The following NHSL1 variants were observed in gnomAD, a reference collection of about 807,000 sequenced individuals.
The protein encoded by NHSL1 is NHS-like protein 1.
In NHSL1, 48 loss-of-function variants were observed where a neutral mutation model predicts 95.0. The ratio of observed to expected loss-of-function variants is 0.51; its 90% CI spans 0.40 to 0.64. The LOEUF (loss-of-function observed/expected upper bound fraction) is 0.64. NHSL1 is among the 30% of genes least tolerant of loss of function. The pLI is 0.00. For missense variants in NHSL1, 1,971 were observed against 2,077.7 expected, an observed-to-expected ratio of 0.95 and a Z score of 1.00; for synonymous variants, 783 against 833.9, an observed-to-expected ratio of 0.94 and a Z score of 1.05.
At chr6:138,505,021 C>A (rs1780886765) in intron 1 of NHSL1, among the ~76,000 whole-genome samples, 1 of 152,118 alleles carries the variant, frequency 6.6e-6, no homozygotes, top group Non-Finnish European at 1.5e-5. Flanking sequence ...AGTACACCCT[C>A]ATTATTTTTA....
chr6:138,567,533 T>C (rs1583420602), intron 1 of NHSL1, among the ~76,000 whole-genome samples: 1 of 152,210 alleles, frequency 6.6e-6, no homozygotes, highest in East Asian at 1.9e-4. Flanking sequence ...CTAGCTGCTT[T>C]TGGTTTTTCA....
intron 3 of NHSL1, among the ~76,000 whole-genome samples, chr6:138,466,053 A>AGGGGGG (rs1778357937): frequency 3.6e-5 from 4 of 111,784 alleles, no homozygotes; most frequent in Admixed American, 1.2e-4. Flanking sequence ...GGGGGGGGGC[A>AGGGGGG]GGGGGGAACA....
intron 1 of NHSL1, among the ~76,000 whole-genome samples, chr6:138,619,695 T>A (rs1286787664): frequency 6.6e-6 from 1 of 152,044 alleles, no homozygotes; most frequent in Non-Finnish European, 1.5e-5. Context: ...GACAAGGCAG[T>A]AGGACTGCTT....
At chr6:138,428,041 C>T (rs553195270) in intron 7 of NHSL1, among the ~76,000 whole-genome samples, 11 of 152,252 alleles carry the variant, frequency 7.2e-5, no homozygotes, top group African/African-American at 2.2e-4. Flanking sequence ...ACACATTTTT[C>T]GATGCCTTAA....
Position 138,424,855 on chromosome 6 carries a change from C to A in NHSL1, c.4086-39G>T. ...ACATTAAGAAAAAGGTTAATTCCCA[C>A]GGGACCACAGGCTGTCAGCCACAAC... On this transcript the variant is annotated intron_variant, in intron 7 of 7. Transcript: ENST00000343505. This position sits in a 1 kb window ranked among gnomAD's most constrained non-coding sequence, Gnocchi z 5.9. The A allele has an allele frequency of 1.3e-6, 2 of 1,509,654 alleles. No homozygotes were observed. Among genetic ancestry groups the A allele is most frequent in the Non-Finnish European group, 8.9e-7 (1 of 1,119,290 alleles). 93.5% of individuals were successfully genotyped at this position (1,509,654 alleles called of 1,614,324 possible).
intron 1 of NHSL1, among the ~76,000 whole-genome samples, chr6:138,595,513 G>C (rs1784292124): frequency 6.6e-6 from 1 of 152,206 alleles, no homozygotes; most frequent in Admixed American, 6.5e-5. Flanking sequence ...GGAGTTCTAG[G>C]CTGCAGTAAG....
intron 1 of NHSL1, among the ~76,000 whole-genome samples, chr6:138,673,312 A>T (rs1785405167): frequency 6.6e-6 from 1 of 151,406 alleles, no homozygotes; most frequent in African/African-American, 2.4e-5. Flanking sequence ...GGCAGTATTT[A>T]ACCAGAAAAA....
At chr6:138,651,290 T>G (rs1281063870) in intron 1 of NHSL1, among the ~76,000 whole-genome samples, 1 of 152,254 alleles carries the variant, frequency 6.6e-6, no homozygotes, top group East Asian at 1.9e-4. Flanking sequence ...AAGAATTCTA[T>G]TCAAAGAAAC....
intron 1 of NHSL1, among the ~76,000 whole-genome samples, chr6:138,673,039 A>ATAGATAGATAGG (rs1554259678): frequency 9.7e-5 from 1 of 10,260 alleles, no homozygotes; most frequent in Non-Finnish European, 5.6e-4. Flanking sequence ...AGGTAGATAG[A>ATAGATAGATAGG]TAGATAGATA....
At chr6:138,650,803 T>A in intron 1 of NHSL1, 1 of 542,804 alleles carries the variant, frequency 1.8e-6, no homozygotes, top group Non-Finnish European at 3.8e-6. Context: ...ACCTGCTAGA[T>A]CTCATCTACA....
At chr6:138,630,129 C>T (rs1026920765) in intron 1 of NHSL1, among the ~76,000 whole-genome samples, 1 of 151,886 alleles carries the variant, frequency 6.6e-6, no homozygotes, top group African/African-American at 2.4e-5. Context: ...GTGGGAGGAT[C>T]GCTTGAGCTT....
At position 138,430,453 on chromosome 6, in the gene NHSL1, C is replaced by T. The variant is rs1393047277; in HGVS notation, c.3892G>A (p.Glu1298Lys). The T allele has an allele frequency of 5.2e-6, 8 of 1,545,946 alleles. No homozygotes were observed. Among genetic ancestry groups the T allele is most frequent in the Non-Finnish European group, 7.0e-6 (8 of 1,143,962 alleles). Residue 1298 changes from glutamate to lysine, a missense_variant, in exon 6 of 8, where the codon GAG (glutamate) becomes AAG (lysine). By Grantham distance (56) the Glu-to-Lys change is moderately conservative. Around this residue, in one of 3 missense-constraint regions of NHSL1, gnomAD observed 1,602 missense variants for 1,654.5 expected, o/e 0.97. Coordinates refer to ENST00000343505, the MANE Select transcript of NHSL1 (RefSeq NM_001144060.2). The surrounding 1 kb of genome is among the most constrained non-coding windows in gnomAD (Gnocchi z 4.7). ...SPAPKQEEPA[E>K]NSADTGGDGE... ...TCGCCCCCAGTATCCGCACTGTTCT[C>T]GGCTGGCTCCTCCTGCTTGGGGGCT...
At position 138,496,400 on chromosome 6, in the gene NHSL1, G is replaced by A. The variant is rs572815302; in HGVS notation, c.59-29C>T. ...TAGAAAAAAAGATAGAATACATTCA[G>A]GTGTCAACTTCATTGGCTACGAGTT... On this transcript the variant is annotated intron_variant, in intron 1 of 7. Coordinates refer to ENST00000343505, the MANE Select transcript of NHSL1 (RefSeq NM_001144060.2). 11 of 1,548,796 alleles carry A rather than the reference G, an allele frequency of 7.1e-6. No individual in the cohort carries two copies. The East Asian group carries it at 2.4e-4, about 34-fold the overall frequency.
intron 1 of NHSL1, among the ~76,000 whole-genome samples, chr6:138,663,866 A>G (rs73568720): frequency 0.14 from 20,597 of 152,108 alleles, 2,237 homozygotes; most frequent in African/African-American, 0.3. Flanking sequence ...GCAAGACTCT[A>G]TCTCAAAGAA....
chr6:138,517,697 G>A (rs928452446), intron 1 of NHSL1, among the ~76,000 whole-genome samples: 2 of 152,212 alleles, frequency 1.3e-5, no homozygotes, highest in Non-Finnish European at 2.9e-5. Flanking sequence ...CAGAGGATAA[G>A]TTTACCTGCC....
Position 138,687,574 on chromosome 6 carries a change from A to C in NHSL1, c.96+4902T>G, listed in dbSNP as rs564665105. ...ATGTACAATTATTATGTATCAATTA[A>C]AAAGTAATAAGTGTGTATAATATAA... On this transcript the variant is annotated intron_variant, in intron 1 of 3. Transcript: ENST00000491526. Among the ~76,000 whole-genome samples the C allele has an allele frequency of 2.0e-4, 30 of 152,362 alleles. No individual in the cohort carries two copies. The East Asian group carries it at 5.8e-3, about 29-fold the overall frequency.
At chr6:138,527,583 A>G (rs1781958753) in intron 1 of NHSL1, among the ~76,000 whole-genome samples, 2 of 152,168 alleles carry the variant, frequency 1.3e-5, no homozygotes, top group African/African-American at 4.8e-5. Context: ...GAAAGCATTT[A>G]CATATGAACA....
chr6:138,539,078 A>G (rs1255650269), intron 1 of NHSL1, among the ~76,000 whole-genome samples: 1 of 152,250 alleles, frequency 6.6e-6, no homozygotes, highest in Non-Finnish European at 1.5e-5. Flanking sequence ...AGACTGATAA[A>G]TGTCACATAA....
At chr6:138,608,251 T>C (rs1476324165) in intron 1 of NHSL1, among the ~76,000 whole-genome samples, 1 of 152,292 alleles carries the variant, frequency 6.6e-6, no homozygotes, top group Non-Finnish European at 1.5e-5. Context: ...GAATGACATG[T>C]TTCTCATACT....
Sources: gnomAD v4.1 joint callset for allele counts (sites outside exome capture counted in the v4.1 genomes callset) on GRCh38, gnomAD v4.1.1 for gene constraint, gnomAD v4.1.1 regional missense constraint, Gnocchi (gnomAD v3.1) non-coding constraint, MANE v1.5 for transcripts, NCBI Gene and HGNC (gene_info 2026-07-23, HGNC 2026-07-21) for gene names.